TBC1D1: variants seen among roughly 807,000 people sequenced by gnomAD.
TBC1D1 encodes TBC1 domain family member 1, also known as TBC1 (tre-2/USP6, BUB2, cdc16) domain family, member 1.
Under a neutral mutation model 125.6 loss-of-function variants are expected in TBC1D1, and 89 were observed. The observed-to-expected ratio is 0.71, with a 90% CI of 0.60 to 0.85. The LOEUF (loss-of-function observed/expected upper bound fraction) is 0.85, where lower values mean the gene tolerates loss of function less well. Ranked by LOEUF, TBC1D1 falls within the 40% of genes least tolerant of loss-of-function variation. The probability of loss-of-function intolerance (pLI) is 0.00; values close to 1 mark genes in which losing one functional copy is unlikely to be tolerated. For missense variants in TBC1D1, 1,377 were observed against 1,469.2 expected, an observed-to-expected ratio of 0.94 and a Z score of 1.03; for synonymous variants, 565 against 564.1, an observed-to-expected ratio of 1.00 and a Z score of -0.02.
intron 11 of TBC1D1, among the ~76,000 whole-genome samples, chr4:38,052,725 C>CGT (rs1560698748): frequency 1.3e-4 from 9 of 68,974 alleles, no homozygotes; most frequent in South Asian, 7.0e-4. Flanking sequence ...CGCGCGCGCG[C>CGT]GCGCACACAC....
intron 3 of TBC1D1, among the ~76,000 whole-genome samples, chr4:38,015,572 C>G (rs2152428498): frequency 6.6e-6 from 1 of 152,018 alleles, no homozygotes; most frequent in South Asian, 2.1e-4. Flanking sequence ...CCATGCTGAT[C>G]TGGGCTCTTC....
chr4:37,996,132 G>A, intron 2 of TBC1D1: 1 of 477,740 alleles, frequency 2.1e-6, no homozygotes, highest in Non-Finnish European at 4.2e-6. Context: ...TGGCTTCTTG[G>A]AAAAGCTCTT....
intron 17 of TBC1D1, among the ~76,000 whole-genome samples, chr4:38,118,789 C>T (rs992441958): frequency 9.2e-5 from 14 of 152,266 alleles, no homozygotes; most frequent in African/African-American, 2.9e-4. Context: ...GCCACTGCCA[C>T]TCCCGTGCCC....
intron 2 of TBC1D1, among the ~76,000 whole-genome samples, chr4:37,976,227 A>T (rs2152353113): frequency 6.6e-6 from 1 of 152,328 alleles, no homozygotes; most frequent in East Asian, 1.9e-4. Context: ...GGAACTAAAT[A>T]CGGGCAACAC....
In TBC1D1 at chr4:38,002,516, T is replaced by C. The variant is rs115209307; in HGVS notation, c.418-11993T>C. On this transcript the variant is annotated intron_variant, in intron 2 of 19. Coordinates refer to ENST00000261439, the MANE Select transcript of TBC1D1 (RefSeq NM_015173.4). ...TCTCTTCTAAGACCTATTTGAAATATGTCTTTCTCATTACTTAAAAACTTT... is the reference window on the plus strand; with the variant it reads ...TCTCTTCTAAGACCTATTTGAAATACGTCTTTCTCATTACTTAAAAACTTT... 6.4e-3 allele frequency among the ~76,000 whole-genome samples: 982 copies of C among 152,388 alleles called. 8 individuals carry two copies. Among genetic ancestry groups the C allele is most frequent in the African/African-American group, 0.022 (908 of 41,592 alleles).
At chr4:37,958,882 A>G (rs1729414043) in intron 2 of TBC1D1, among the ~76,000 whole-genome samples, 1 of 152,212 alleles carries the variant, frequency 6.6e-6, no homozygotes. Flanking sequence ...AGATTGGCAC[A>G]CACACTCTAC....
intron 2 of TBC1D1, among the ~76,000 whole-genome samples, chr4:37,938,576 C>T (rs1724876332): frequency 6.6e-6 from 1 of 152,040 alleles, no homozygotes; most frequent in Non-Finnish European, 1.5e-5. Flanking sequence ...TACATGTGCA[C>T]AAAGTGCAGG....
At position 38,135,924 on chromosome 4, in the gene TBC1D1, A is replaced by ATACGTGTGTGTGTATATG. The variant is rs1553861817; in HGVS notation, c.3307-1210_3307-1209insACGTGTGTGTGTATATGT. Among the ~76,000 whole-genome samples the ATACGTGTGTGTGTATATG allele has an allele frequency of 2.8e-5, 4 of 145,090 alleles. No individual in the cohort carries two copies. The South Asian group carries it at 8.6e-4, about 31-fold the overall frequency. On this transcript the variant is annotated intron_variant, in intron 19 of 19. Transcript: ENST00000261439. ...TGTGTATATATACGTGTGTGTGTAT[A>ATACGTGTGTGTGTATATG]TGTGTGTGTGTGTGTGTGTGTGTGT...
At chr4:38,005,508 G>C (rs1739957193) in intron 2 of TBC1D1, among the ~76,000 whole-genome samples, 1 of 152,196 alleles carries the variant, frequency 6.6e-6, no homozygotes, top group South Asian at 2.1e-4. Context: ...GTCTGGGTGT[G>C]CTTGTGATCC....
intron 2 of TBC1D1, among the ~76,000 whole-genome samples, chr4:38,010,614 G>A (rs898301159): frequency 1.3e-5 from 2 of 152,198 alleles, no homozygotes; most frequent in Non-Finnish European, 2.9e-5. Flanking sequence ...GTGAACTAAT[G>A]GCACAGTCAT....
chr4:37,927,237 C>T (rs1397099023), intron 2 of TBC1D1, among the ~76,000 whole-genome samples: 1 of 152,146 alleles, frequency 6.6e-6, no homozygotes, highest in African/African-American at 2.4e-5. Context: ...AAGCCATGAC[C>T]CCACTCAAAA....
chr4:37,916,580 T>C (rs1338277385), intron 2 of TBC1D1, among the ~76,000 whole-genome samples: 1 of 152,152 alleles, frequency 6.6e-6, no homozygotes, highest in African/African-American at 2.4e-5. Context: ...CTGAAAGTGC[T>C]TGGGGATGTC....
chr4:38,123,510 A>G (rs1025372036), intron 17 of TBC1D1, among the ~76,000 whole-genome samples: 3 of 152,242 alleles, frequency 2.0e-5, no homozygotes, highest in African/African-American at 4.8e-5. Context: ...GCCTTGGTGT[A>G]TGTAACACTT....
At chr4:38,090,340 C>T (rs1387642759) in intron 13 of TBC1D1, among the ~76,000 whole-genome samples, 2 of 152,210 alleles carry the variant, frequency 1.3e-5, no homozygotes, top group African/African-American at 4.8e-5. Flanking sequence ...TCTATGGTCA[C>T]TGTTAGTACA....
intron 12 of TBC1D1, among the ~76,000 whole-genome samples, chr4:38,065,252 C>T (rs1217835068): frequency 3.3e-5 from 5 of 152,080 alleles, no homozygotes; most frequent in South Asian, 2.1e-4. Flanking sequence ...CCACCCAGCC[C>T]GTAGCTACAT....
At chr4:38,112,396 G>A (rs1232555264) in intron 15 of TBC1D1, among the ~76,000 whole-genome samples, 1 of 152,188 alleles carries the variant, frequency 6.6e-6, no homozygotes, top group Non-Finnish European at 1.5e-5. Flanking sequence ...ACGGTCATAA[G>A]TGTGCCCTTT....
intron 2 of TBC1D1, among the ~76,000 whole-genome samples, chr4:37,928,588 C>T (rs1577901881): frequency 6.6e-6 from 1 of 152,162 alleles, no homozygotes; most frequent in Non-Finnish European, 1.5e-5. Flanking sequence ...GCCGCTGTAG[C>T]GCAGCCAGCC....
At chr4:37,934,038 C>T (rs777678580) in intron 2 of TBC1D1, among the ~76,000 whole-genome samples, 1 of 152,184 alleles carries the variant, frequency 6.6e-6, no homozygotes, top group African/African-American at 2.4e-5. Context: ...TAAATAAAGA[C>T]ACCTACACAG....
At chr4:38,077,203 T>A (rs74506280) in intron 12 of TBC1D1, among the ~76,000 whole-genome samples, 5,296 of 152,288 alleles carry the variant, frequency 0.035, 240 homozygotes, top group African/African-American at 0.1. Context: ...ACAACTATAC[T>A]GAGTGTGCAG....
Sources: allele counts gnomAD v4.1 joint callset (sites outside exome capture counted in the v4.1 genomes callset), GRCh38; gene constraint gnomAD v4.1.1; transcripts MANE v1.5; gene names NCBI Gene and HGNC (gene_info 2026-07-23, HGNC 2026-07-21).